Variants in ZXDC observed in about 807,000 individuals in gnomAD.
ZXDC encodes ZXD family zinc finger C, also known as zinc finger protein ZXDC.
Under a neutral mutation model 63.6 loss-of-function variants are expected in ZXDC, and 58 were observed. The ratio of observed to expected loss-of-function variants is 0.91; its 90% CI spans 0.74 to 1.13. The LOEUF (loss-of-function observed/expected upper bound fraction) is 1.13. Ranked by LOEUF, ZXDC falls within the 50% of genes most tolerant of loss-of-function variation. The pLI, the probability that ZXDC is intolerant of heterozygous loss-of-function variation, is 0.00. For missense variants in ZXDC, 1,133 were observed against 1,148.9 expected (o/e 0.99, Z 0.20); for synonymous variants, 561 against 496.1 (o/e 1.13, Z -1.74).
At chr3:126,444,333 C>T (rs180899240) in intron 7 of ZXDC, among the ~76,000 whole-genome samples, 15 of 152,258 alleles carry the variant, frequency 9.9e-5, no homozygotes, top group Admixed American at 2.0e-4. Context: ...GAGATCGAGA[C>T]CATCCTGGCT....
intron 7 of ZXDC, among the ~76,000 whole-genome samples, chr3:126,443,735 C>A (rs1319617413): frequency 6.6e-6 from 1 of 152,192 alleles, no homozygotes; most frequent in Non-Finnish European, 1.5e-5. Context: ...TCTTTTATCA[C>A]CCTAGCATAT....
At chr3:126,443,572 T>C (rs1933761770) in intron 7 of ZXDC, among the ~76,000 whole-genome samples, 1 of 152,212 alleles carries the variant, frequency 6.6e-6, no homozygotes, top group African/African-American at 2.4e-5. Context: ...CCAACAGACT[T>C]GCTGGATACA....
chr3:126,464,806 A>G (rs764752074), intron 5 of ZXDC, among the ~76,000 whole-genome samples: 3 of 152,188 alleles, frequency 2.0e-5, no homozygotes, highest in Non-Finnish European at 2.9e-5. Context: ...ACCCTCCAAC[A>G]TGAATCAGGT....
In ZXDC at chr3:126,470,986, C is replaced by T. The variant is rs201216182; in HGVS notation, c.1179G>A (p.Glu393=). The T allele has an allele frequency of 1.2e-5, 19 of 1,614,170 alleles. No individual in the cohort carries two copies. In the African/African-American group the frequency reaches 2.3e-4, roughly 19 times the overall value. ...CTCTGGTGAATGATTTCCCACAGCC[C>T]TCGACAGGGCAGGTAAACCTCCGGT... ...DDDRRFTCPV[E]GCGKSFTRAE... Residue 393 remains glutamate, a synonymous_variant, in exon 4 of 10, where the codon GAG becomes GAA. Transcript: ENST00000389709.
At chr3:126,474,349 C>T (rs1205351981) in intron 1 of ZXDC, among the ~76,000 whole-genome samples, 1 of 152,208 alleles carries the variant, frequency 6.6e-6, no homozygotes, top group Admixed American at 6.5e-5. Flanking sequence ...CAGGCGTGAG[C>T]CACCGCGCCC....
At chr3:126,439,849 C>A in intron 8 of ZXDC, 122 bp from the exon 9 acceptor site, 1 of 1,448,704 alleles carries the variant, frequency 6.9e-7, no homozygotes, top group Non-Finnish European at 9.0e-7. Context: ...CCCCTGTATT[C>A]CAAGGGAGGC....
At chr3:126,438,677 T>C (rs1933556187) in intron 9 of ZXDC, among the ~76,000 whole-genome samples, 1 of 152,244 alleles carries the variant, frequency 6.6e-6, no homozygotes, top group South Asian at 2.1e-4. Flanking sequence ...TGTCTGCACA[T>C]TGACGTATAC....
intron 7 of ZXDC, among the ~76,000 whole-genome samples, chr3:126,447,467 G>T (rs981663949): frequency 6.6e-6 from 1 of 152,120 alleles, no homozygotes; most frequent in Non-Finnish European, 1.5e-5. Flanking sequence ...ATTCCCCTGG[G>T]TTTTCTAAGC....
chr3:126,456,159 G>A (rs1205859245), intron 7 of ZXDC, among the ~76,000 whole-genome samples: 1 of 152,250 alleles, frequency 6.6e-6, no homozygotes, highest in East Asian at 1.9e-4. Context: ...AGCCCCTGCT[G>A]AGTGTTACAT....
In ZXDC at chr3:126,475,030, G is replaced by A; in HGVS notation, c.836C>T (p.Thr279Met). The stretch of plus-strand genomic sequence containing the variant: ...CTGGTGGGAGCTGAGCTTGGCGTGC[G>A]TGGGGAAGCGCTCGGCGCACACCTC... Reference protein sequence around the residue: ...KCEVCAERFPTHAKLSSHQRS... With the variant: ...KCEVCAERFPMHAKLSSHQRS... The change falls in exon 1 of 10, where the codon ACG becomes ATG. Residue 279 changes from threonine (T) to methionine (M), a missense_variant. Physicochemically the swap from Thr to Met is moderately conservative, Grantham distance 81 (BLOSUM62 -1). Transcript: ENST00000389709. 1.3e-6 allele frequency: 2 copies of A among 1,598,984 alleles called. No homozygotes were observed. Among genetic ancestry groups the A allele is most frequent in the South Asian group, 1.1e-5 (1 of 88,832 alleles).
intron 5 of ZXDC, among the ~76,000 whole-genome samples, chr3:126,464,008 C>A (rs185952427): frequency 9.1e-4 from 138 of 152,228 alleles, no homozygotes; most frequent in Admixed American, 1.6e-3. Context: ...TGGTAGTGAT[C>A]CTTTGGAGAA....
At chr3:126,441,990 C>G (rs1270315134) in intron 7 of ZXDC, 44 bp from the exon 8 acceptor site, 1 of 1,542,422 alleles carries the variant, frequency 6.5e-7, no homozygotes, top group Non-Finnish European at 8.7e-7. Context: ...CTACAATCTA[C>G]CAGTCAGGTC....
At chr3:126,465,156 C>T (rs891839949) in intron 5 of ZXDC, among the ~76,000 whole-genome samples, 4 of 152,222 alleles carry the variant, frequency 2.6e-5, no homozygotes, top group South Asian at 2.1e-4. Flanking sequence ...ACAGCCTCCA[C>T]GGACTGAGCA....
rs1934578778 is a variant in ZXDC, at chr3:126,462,148, T to G, written c.1514A>C (p.Glu505Ala). The change falls in exon 6 of 10, where the codon GAG becomes GCG. Residue 505 changes from glutamate (E) to alanine (A), a missense_variant. By Grantham distance (107) the Glu-to-Ala change is moderately radical (BLOSUM62 -1). Transcript: ENST00000389709. ...SSELSSPGQS[E>A]LTNMDLAALF... is the part of the protein sequence containing the mutation. Reference sequence around the variant, plus strand: ...TGCAGCAAGATCCATGTTAGTGAGCTCACTTTGGCCTGGGCTGCTGAGTTC... The same window carrying G: ...TGCAGCAAGATCCATGTTAGTGAGCGCACTTTGGCCTGGGCTGCTGAGTTC... 2 of 1,612,864 alleles carry G rather than the reference T, an allele frequency of 1.2e-6. No homozygotes were observed. The highest frequency in any genetic ancestry group is 8.5e-7 in the Non-Finnish European group (1 of 1,179,994).
chr3:126,454,534 C>G (rs1163608585), intron 7 of ZXDC: 6 of 985,454 alleles, frequency 6.1e-6, no homozygotes, highest in Non-Finnish European at 7.2e-6. Flanking sequence ...TATTTCCATA[C>G]AGGGTGCACC....
chr3:126,445,598 CAGA>C (rs1933854089), intron 7 of ZXDC, among the ~76,000 whole-genome samples: 1 of 151,388 alleles, frequency 6.6e-6, no homozygotes, highest in South Asian at 2.1e-4. Context: ...TTTTGGCAAG[CAGA>C]AGGACAGCTG....
chr3:126,452,457 T>C, intron 7 of ZXDC: 1 of 985,380 alleles, frequency 1.0e-6, no homozygotes, highest in Non-Finnish European at 1.2e-6. Context: ...GCCACTCTCG[T>C]TCCTAACAGG....
rs1452300192 is a variant in ZXDC at position 126,461,742 on chromosome 3, CGGT to C, written c.1917_1919del (p.Pro640del). On this transcript the variant is annotated inframe_deletion, in exon 6 of 10. Transcript: ENST00000389709. ...TTTCTCGGGGGGTGCTCGAAGAGGTCGGTGTGGTGATATGTGCTGCTAAGTTAC... is the reference window on the plus strand; with the variant it reads ...TTTCTCGGGGGGTGCTCGAAGAGGTCGTGGTGATATGTGCTGCTAAGTTAC... The C allele has an allele frequency of 6.2e-7, 1 of 1,613,542 alleles. No individual in the cohort carries two copies. The highest frequency in any genetic ancestry group is 1.7e-5 in the Admixed American group (1 of 59,964).
chr3:126,446,128 A>G (rs747471896), intron 7 of ZXDC, among the ~76,000 whole-genome samples: 3 of 152,220 alleles, frequency 2.0e-5, no homozygotes, highest in Admixed American at 6.5e-5. Flanking sequence ...AGAACAAGGT[A>G]ACAACACCGA....
Sources: gnomAD v4.1 joint callset for allele counts (sites outside exome capture counted in the v4.1 genomes callset) on GRCh38, gnomAD v4.1.1 for gene constraint, MANE v1.5 for transcripts, NCBI Gene and HGNC (gene_info 2026-07-23, HGNC 2026-07-21) for gene names.